UBR3: variants seen among roughly 807,000 people sequenced by gnomAD.
UBR3 encodes ubiquitin protein ligase E3 component n-recognin 3, also known as E3 ubiquitin-protein ligase UBR3.
Under a neutral mutation model 243.2 loss-of-function variants are expected in UBR3, and 85 were observed. The ratio of observed to expected loss-of-function variants is 0.35; its 90% CI spans 0.29 to 0.42. The LOEUF is 0.42. UBR3 is among the 10% of genes least tolerant of loss of function. The probability of loss-of-function intolerance (pLI) is 1.00; values close to 1 mark genes in which losing one functional copy is unlikely to be tolerated. For synonymous variants in UBR3, 748 were observed against 799.8 expected (o/e 0.94, Z 1.09); for missense variants, 1,686 against 2,300.8 (o/e 0.73, Z 5.47).
At chr2:170,064,372 C>A (rs1387738327) in intron 35 of UBR3, among the ~76,000 whole-genome samples, 2 of 151,712 alleles carry the variant, frequency 1.3e-5, no homozygotes, top group African/African-American at 4.8e-5. Flanking sequence ...CCATCATATA[C>A]CCCAGAAATA....
chr2:169,884,657 T>C (rs964916431), intron 5 of UBR3, among the ~76,000 whole-genome samples: 10 of 152,222 alleles, frequency 6.6e-5, no homozygotes, highest in South Asian at 2.1e-4. Flanking sequence ...AACATTATTT[T>C]ATTAGGACTA....
intron 31 of UBR3, among the ~76,000 whole-genome samples, chr2:170,040,457 T>A (rs1319620256): frequency 6.6e-6 from 1 of 152,182 alleles, no homozygotes; most frequent in East Asian, 1.9e-4. Context: ...GGAATTGATT[T>A]GGGAACTCTG....
At chr2:169,975,386 G>A (rs988442622) in intron 24 of UBR3, among the ~76,000 whole-genome samples, 2 of 152,122 alleles carry the variant, frequency 1.3e-5, no homozygotes, top group Non-Finnish European at 1.5e-5. Flanking sequence ...GATCTATCCT[G>A]GAAAATGTTC....
intron 35 of UBR3, among the ~76,000 whole-genome samples, chr2:170,066,864 T>C (rs1416610870): frequency 2.0e-5 from 3 of 151,896 alleles, no homozygotes; most frequent in Non-Finnish European, 4.4e-5. Flanking sequence ...CTTGGGAGGC[T>C]GAGGCAGGAG....
intron 18 of UBR3, among the ~76,000 whole-genome samples, chr2:169,930,149 G>A (rs878955869): frequency 1.3e-5 from 2 of 152,066 alleles, no homozygotes; most frequent in South Asian, 2.1e-4. Flanking sequence ...ACTCACTTGC[G>A]CTCCTCATTA....
chr2:169,919,222 T>C (rs1281288416), intron 11 of UBR3, among the ~76,000 whole-genome samples: 1 of 152,162 alleles, frequency 6.6e-6, no homozygotes, highest in Non-Finnish European at 1.5e-5. Context: ...TGGAAGGTTA[T>C]CAGGAGGCTA....
chr2:169,924,074 T>C lies in UBR3; in HGVS notation c.1933-10T>C. ...AATTGAATTAGTAACTTTTTTATTG[T>C]AATTTTTAGGCTGTGAAATGTCAAG... On this transcript the variant is annotated splice_polypyrimidine_tract_variant and intron_variant, in intron 12 of 38. Coordinates refer to ENST00000272793, the MANE Select transcript of UBR3 (RefSeq NM_172070.4). 1 of 1,530,298 alleles carries C rather than the reference T, an allele frequency of 6.5e-7. No homozygotes were observed. The highest frequency in any genetic ancestry group is 8.8e-7 in the Non-Finnish European group (1 of 1,141,220). The allele number at this position is 1,530,298 out of a possible 1,614,324, so 94.8% of individuals were successfully genotyped here.
intron 27 of UBR3, among the ~76,000 whole-genome samples, chr2:170,004,143 T>C (rs1178805875): frequency 2.0e-5 from 3 of 152,078 alleles, no homozygotes; most frequent in Non-Finnish European, 4.4e-5. Flanking sequence ...GTGACAGTTG[T>C]GGAGAAAGGG....
chr2:170,079,841 A>G lies in UBR3; in HGVS notation c.5227A>G (p.Lys1743Glu). The change falls in exon 37 of 39, where the codon AAA (lysine) becomes GAA (glutamate). Residue 1743 changes from lysine (K) to glutamate (E), a missense_variant. This residue lies in a region of UBR3 where 89 missense variants were observed against 183.3 expected (regional missense o/e 0.49). Coordinates refer to ENST00000272793, the MANE Select transcript of UBR3 (RefSeq NM_172070.4). ...CTTGCTTATCCAAGAGTCAAAATGGAAATTACCACACCTACTACAGTTGCC... is the reference window on the plus strand; with the variant it reads ...CTTGCTTATCCAAGAGTCAAAATGGGAATTACCACACCTACTACAGTTGCC... The part of the protein sequence containing the change: ...KALLIQESKW[K>E]LPHLLQLPEN... 6.2e-7 allele frequency: 1 copy of G among 1,613,396 alleles called. No individual in the cohort carries two copies. The highest frequency in any genetic ancestry group is 8.5e-7 in the Non-Finnish European group (1 of 1,179,808).
rs1221035389 is a variant in UBR3 at position 169,895,664 on chromosome 2, G to GT, written c.1236+356dup. 2.6e-5 allele frequency among the ~76,000 whole-genome samples: 4 copies of GT among 152,342 alleles called. No individual in the cohort carries two copies. In the East Asian group the frequency reaches 7.7e-4, roughly 29 times the overall value. On this transcript the variant is annotated intron_variant, in intron 7 of 38. Transcript: ENST00000272793. ...GAAGAGTACAAGGTGCTATAAGAATGTTTAATGGGGGCAATTGAATTTAGA... is the reference window on the plus strand; with the variant it reads ...GAAGAGTACAAGGTGCTATAAGAATGTTTTAATGGGGGCAATTGAATTTAGA...
rs1332193134 is a variant in UBR3, at chr2:169,905,296, A to G, written c.1645+3A>G. The G allele has an allele frequency of 1.3e-6, 2 of 1,494,956 alleles. No individual in the cohort carries two copies. Among genetic ancestry groups the G allele is most frequent in the South Asian group, 1.4e-5 (1 of 71,582 alleles). The allele number at this position is 1,494,956 out of a possible 1,614,324, so 92.6% of individuals were successfully genotyped here. On this transcript the variant is annotated splice_donor_region_variant and intron_variant, in intron 9 of 38. Coordinates refer to ENST00000272793, the MANE Select transcript of UBR3 (RefSeq NM_172070.4). ...GAACTTTGTATCTTTCTTTCAAGGT[A>G]TGAATTTTATCCCTTTGTTAATTTT...
chr2:169,964,639 A>G, intron 24 of UBR3: 1 of 370,730 alleles, frequency 2.7e-6, no homozygotes, highest in South Asian at 2.2e-5. Flanking sequence ...TGGGTGAAAA[A>G]GAATGTGACC....
At position 170,047,192 on chromosome 2, in the gene UBR3, TCGG is replaced by T. The variant is rs1258862164; in HGVS notation, c.4660+6208_4660+6210del. 3.2e-4 allele frequency among the ~76,000 whole-genome samples: 48 copies of T among 150,360 alleles called. 1 individual carries two copies. Among genetic ancestry groups the T allele is most frequent in the Admixed American group, 2.2e-3 (33 of 15,192 alleles). ...ATTTTTTGTAGAGACGGTGGCGGTG[TCGG>T]GGGGGGGGTCTCACTTTGTTGCCCA... On this transcript the variant is annotated intron_variant, in intron 32 of 38. Coordinates refer to ENST00000272793, the MANE Select transcript of UBR3 (RefSeq NM_172070.4).
chr2:169,990,763 A>G (rs1174158918), intron 25 of UBR3, among the ~76,000 whole-genome samples: 1 of 151,982 alleles, frequency 6.6e-6, no homozygotes, highest in Non-Finnish European at 1.5e-5. Context: ...AAGAAAAGAG[A>G]AGGGAATCAA....
At chr2:169,945,993 CA>C (rs1288769672) in intron 20 of UBR3, among the ~76,000 whole-genome samples, 1 of 152,166 alleles carries the variant, frequency 6.6e-6, no homozygotes. Context: ...GTGCTAAACA[CA>C]TTTGCATGGA....
chr2:169,831,123 A>ATG (rs1209032012), intron 1 of UBR3, among the ~76,000 whole-genome samples: 1 of 56,558 alleles, frequency 1.8e-5, no homozygotes, highest in Non-Finnish European at 3.5e-5. Context: ...ATATATATAT[A>ATG]TATATTTTTT....
chr2:170,056,341 A>G (rs1318877595), intron 33 of UBR3, among the ~76,000 whole-genome samples: 1 of 152,084 alleles, frequency 6.6e-6, no homozygotes, highest in Non-Finnish European at 1.5e-5. Context: ...ATCTTGAAAT[A>G]TTACCTTTTT....
At chr2:170,062,926 G>T (rs1276804068) in intron 35 of UBR3, among the ~76,000 whole-genome samples, 2 of 152,178 alleles carry the variant, frequency 1.3e-5, no homozygotes, top group African/African-American at 4.8e-5. Context: ...AAGGAACAGT[G>T]TGACATAGTG....
intron 23 of UBR3, among the ~76,000 whole-genome samples, chr2:169,951,338 A>G (rs1220589631): frequency 6.6e-6 from 1 of 152,184 alleles, no homozygotes; most frequent in African/African-American, 2.4e-5. Flanking sequence ...TATGGGTTAA[A>G]TGATCAGTGG....
Sources: gnomAD v4.1 joint callset for allele counts (sites outside exome capture counted in the v4.1 genomes callset) on GRCh38, gnomAD v4.1.1 for gene constraint, gnomAD v4.1.1 regional missense constraint, MANE v1.5 for transcripts, NCBI Gene and HGNC (gene_info 2026-07-23, HGNC 2026-07-21) for gene names.